The following MAT2B variants were observed in gnomAD, a reference collection of about 807,000 sequenced individuals.
MAT2B encodes the protein methionine adenosyltransferase 2 subunit beta.
MAT2B carries 16 observed loss-of-function variants against 36.1 expected under a neutral mutation model. The observed-to-expected ratio is 0.44, with a 90% confidence interval of 0.30 to 0.67. The LOEUF (loss-of-function observed/expected upper bound fraction) is 0.67. Ranked by LOEUF, MAT2B falls within the 30% of genes least tolerant of loss-of-function variation. The pLI, the probability that MAT2B is intolerant of heterozygous loss-of-function variation, is 0.09. For missense variants in MAT2B, 332 were observed against 398.2 expected, an observed-to-expected ratio of 0.83 and a Z score of 1.42; for synonymous variants, 148 against 136.9, an observed-to-expected ratio of 1.08 and a Z score of -0.57.
At chr5:163,511,556 TAAAGGCATGGGCCACCATGCCTGGCA>T (rs1171849140) in intron 1 of MAT2B, among the ~76,000 whole-genome samples, 44 of 148,258 alleles carry the variant, frequency 3.0e-4, no homozygotes, top group African/African-American at 9.9e-4. Context: ...GTGCTGGGAT[TAAAGGCATGGGCCACCATGCCTGGCA>T]AAAGCTTTTT....
chr5:163,517,818 T>G (rs764813886), intron 6 of MAT2B, 144 bp downstream of exon 6: 1 of 574,370 alleles, frequency 1.7e-6, no homozygotes, highest in Non-Finnish European at 3.2e-6. Flanking sequence ...CTCTAAATTA[T>G]CATCTGTAGA....
At chr5:163,508,438 A>C (rs1474936779) in intron 1 of MAT2B, among the ~76,000 whole-genome samples, 1 of 151,828 alleles carries the variant, frequency 6.6e-6, no homozygotes, top group Admixed American at 6.6e-5. Context: ...GCGTTTCACC[A>C]TGTTGGCCAG....
intron 2 of MAT2B, 30 bp downstream of exon 2, chr5:163,512,226 T>C: frequency 6.5e-7 from 1 of 1,530,692 alleles, no homozygotes; most frequent in Non-Finnish European, 9.1e-7. Flanking sequence ...AAGATATACA[T>C]GAACAATATT....
intron 5 of MAT2B, chr5:163,517,030 C>A: frequency 4.4e-6 from 2 of 457,246 alleles, no homozygotes; most frequent in Non-Finnish European, 7.7e-6. Context: ...ATGGCTCACA[C>A]CTGTAATCCC....
upstream of MAT2B, chr5:163,503,354 G>C: frequency 6.2e-7 from 1 of 1,604,618 alleles, no homozygotes; most frequent in Non-Finnish European, 8.5e-7. Flanking sequence ...CAGAGGCTAA[G>C]ACCCATCCCG....
At chr5:163,508,513 C>T (rs145899661) in intron 1 of MAT2B, among the ~76,000 whole-genome samples, 51 of 152,336 alleles carry the variant, frequency 3.3e-4, no homozygotes, top group African/African-American at 1.2e-3. Context: ...GCTGGGATTA[C>T]AGGCGTGAGC....
At chr5:163,505,476 G>A, upstream of MAT2B, 2 of 1,210,850 alleles carry the variant, frequency 1.7e-6, no homozygotes, top group Non-Finnish European at 2.1e-6. Flanking sequence ...CGTGGGCTGG[G>A]GGCAGACCGC....
intron 4 of MAT2B, among the ~76,000 whole-genome samples, chr5:163,514,759 C>T (rs1393911485): frequency 1.3e-5 from 2 of 152,190 alleles, no homozygotes; most frequent in East Asian, 3.8e-4. Flanking sequence ...CCTTGAGAAG[C>T]AGCCCTAGTG....
chr5:163,503,573 T>C (rs1345232475), upstream of MAT2B: 11 of 784,480 alleles, frequency 1.4e-5, no homozygotes, highest in East Asian at 2.6e-5. Flanking sequence ...CCTCGGGACA[T>C]GGAAGAATAA....
intron 2 of MAT2B, 72 bp downstream of exon 2, chr5:163,512,268 T>G (rs1247692868): frequency 1.5e-6 from 2 of 1,310,922 alleles, no homozygotes; most frequent in Non-Finnish European, 2.2e-6. Context: ...GAAACTATCC[T>G]TGCTCTCAAG....
At chr5:163,516,763 C>T (rs750611469) in intron 5 of MAT2B, 52 bp downstream of exon 5, 2 of 1,591,486 alleles carry the variant, frequency 1.3e-6, no homozygotes, top group Admixed American at 1.7e-5. Context: ...TTGTCTTTTC[C>T]ATGCTTGAAC....
At chr5:163,516,293 T>C (rs1760132624) in intron 4 of MAT2B, among the ~76,000 whole-genome samples, 1 of 152,156 alleles carries the variant, frequency 6.6e-6, no homozygotes, top group South Asian at 2.1e-4. Context: ...CAAGTGATCC[T>C]TCTGCCTTGG....
At chr5:163,513,083 T>G (rs1216793370) in intron 2 of MAT2B, 1 of 170,570 alleles carries the variant, frequency 5.9e-6, no homozygotes, top group Non-Finnish European at 1.3e-5. Context: ...ATTCCTTGGC[T>G]CAAGTGATCC....
intron 1 of MAT2B, among the ~76,000 whole-genome samples, chr5:163,509,263 G>C (rs754438736): frequency 2.6e-5 from 4 of 152,154 alleles, no homozygotes; most frequent in African/African-American, 7.2e-5. Flanking sequence ...TTTGTGGATT[G>C]TATAATGCTT....
At chr5:163,512,510 T>G (rs1228007175) in intron 2 of MAT2B, 1 of 407,422 alleles carries the variant, frequency 2.5e-6, no homozygotes, top group Non-Finnish European at 4.6e-6. Flanking sequence ...AATAGTTATT[T>G]TCATTTTAGG....
In MAT2B at chr5:163,513,963, T is replaced by C. The variant is rs1760091239; in HGVS notation, c.495T>C (p.Asp165=). Residue 165 remains aspartate (D), a synonymous_variant, in exon 4 of 7, where the codon GAT becomes GAC. Coordinates refer to ENST00000321757, the MANE Select transcript of MAT2B (RefSeq NM_013283.5). ...PLNLYGKTKL[D]GEKAVLENNL... is the part of the protein sequence containing the mutation. ...ATTTGTATGGCAAAACAAAATTAGA[T>C]GGAGAAAAGGCTGTCCTGGAGAACA... The C allele has an allele frequency of 6.2e-7, 1 of 1,613,552 alleles. No individual in the cohort carries two copies.
chr5:163,505,183 GA>G (rs58915135), upstream of MAT2B, among the ~76,000 whole-genome samples: 5,052 of 150,676 alleles, frequency 0.034, 250 homozygotes, highest in African/African-American at 0.12. Context: ...CCCCCACCTA[GA>G]GCTCTAGAGA....
At chr5:163,510,442 C>T (rs1363216670) in intron 1 of MAT2B, among the ~76,000 whole-genome samples, 1 of 141,634 alleles carries the variant, frequency 7.1e-6, no homozygotes, top group African/African-American at 2.7e-5. Context: ...GTTACCCAGG[C>T]TGGAGTGCAG....
At chr5:163,506,040 C>G (rs1267251209) in intron 1 of MAT2B, among the ~76,000 whole-genome samples, 3 of 152,104 alleles carry the variant, frequency 2.0e-5, no homozygotes, top group African/African-American at 7.2e-5. Context: ...AGAGGTTTTT[C>G]AGAATTGTTT....
Sources: gnomAD v4.1 joint callset for allele counts (sites outside exome capture counted in the v4.1 genomes callset) on GRCh38, gnomAD v4.1.1 for gene constraint, MANE v1.5 for transcripts, NCBI Gene and HGNC (gene_info 2026-07-23, HGNC 2026-07-21) for gene names.